The following COL8A1 variants were observed in gnomAD, a reference collection of about 807,000 sequenced individuals.
The protein encoded by COL8A1 is collagen alpha-1(VIII) chain.
Under a neutral mutation model 42.7 loss-of-function variants are expected in COL8A1, and 21 were observed. That is an observed-to-expected ratio of 0.49 (90% CI 0.35 to 0.71). The LOEUF (loss-of-function observed/expected upper bound fraction) is 0.71. Among genes scored for constraint, COL8A1 ranks in the 30% least tolerant of loss-of-function variants. COL8A1 has a pLI of 0.01. For missense variants in COL8A1, 788 were observed against 962.4 expected (o/e 0.82, Z 2.40); for synonymous variants, 367 against 369.1 (o/e 0.99, Z 0.06).
At chr3:99,754,611 G>T (rs930794924) in intron 2 of COL8A1, among the ~76,000 whole-genome samples, 5 of 151,992 alleles carry the variant, frequency 3.3e-5, no homozygotes, top group African/African-American at 1.2e-4. Context: ...TACTGTACTT[G>T]GCCTGTGCAC....
At chr3:99,778,959 G>A (rs2107445547) in intron 2 of COL8A1, among the ~76,000 whole-genome samples, 1 of 152,288 alleles carries the variant, frequency 6.6e-6, no homozygotes, top group East Asian at 1.9e-4. Flanking sequence ...ACACTTGAGT[G>A]AGCTGTTACA....
intron 1 of COL8A1, among the ~76,000 whole-genome samples, chr3:99,740,563 G>A (rs893243688): frequency 2.0e-5 from 3 of 152,252 alleles, no homozygotes; most frequent in Non-Finnish European, 4.4e-5. Context: ...CAGATCCTGT[G>A]AGAACTCACT....
intron 1 of COL8A1, among the ~76,000 whole-genome samples, chr3:99,690,775 A>G (rs1939195760): frequency 6.6e-6 from 1 of 152,234 alleles, no homozygotes; most frequent in African/African-American, 2.4e-5. Flanking sequence ...GAGGAGCATG[A>G]ATGGACAGCT....
At chr3:99,766,683 C>T (rs995595489) in intron 2 of COL8A1, among the ~76,000 whole-genome samples, 1 of 152,216 alleles carries the variant, frequency 6.6e-6, no homozygotes, top group Non-Finnish European at 1.5e-5. Context: ...GATGCAGTGG[C>T]TCACGCCTGT....
chr3:99,774,846 GAATT>G (rs5851183), intron 2 of COL8A1, among the ~76,000 whole-genome samples: 14,900 of 152,152 alleles, frequency 0.098, 846 homozygotes, highest in African/African-American at 0.16. Context: ...GGTGATCAAT[GAATT>G]AATTAATAGG....
At chr3:99,765,812 C>T (rs1248148373) in intron 2 of COL8A1, among the ~76,000 whole-genome samples, 2 of 152,176 alleles carry the variant, frequency 1.3e-5, no homozygotes, top group Admixed American at 6.5e-5. Flanking sequence ...CCATTCTCTT[C>T]TCTAACACAA....
At chr3:99,639,646 C>T (rs1406219066) in intron 1 of COL8A1, among the ~76,000 whole-genome samples, 1 of 152,176 alleles carries the variant, frequency 6.6e-6, no homozygotes, top group Non-Finnish European at 1.5e-5. Flanking sequence ...AATAAATGTG[C>T]ACCTGTGAAA....
rs564627765 is a variant in COL8A1 at position 99,651,462 on chromosome 3, C to T, written c.-129+12798C>T. Among the ~76,000 whole-genome samples, 12 of 152,182 alleles carry T rather than the reference C, an allele frequency of 7.9e-5. 1 individual carries two copies. The highest frequency in any genetic ancestry group is 1.8e-4 in the Non-Finnish European group (12 of 68,026). ...CTGCAGTGGACAACCTGAAACACTG[C>T]GAAGAAGGCTAAGCTCTCCGCCAGC... On this transcript the variant is annotated intron_variant, in intron 1 of 3. Coordinates refer to ENST00000652472, the MANE Select transcript of COL8A1 (RefSeq NM_020351.4).
intron 1 of COL8A1, among the ~76,000 whole-genome samples, chr3:99,743,378 G>A (rs6440807): frequency 0.22 from 33,156 of 152,106 alleles, 4,228 homozygotes; most frequent in African/African-American, 0.34. Context: ...AAAGTGCAGG[G>A]TGCTGCTGTA....
intron 2 of COL8A1, among the ~76,000 whole-genome samples, chr3:99,751,915 T>C (rs1941157777): frequency 6.6e-6 from 1 of 152,214 alleles, no homozygotes; most frequent in African/African-American, 2.4e-5. Flanking sequence ...AATTCTTCTA[T>C]TATCATGAAA....
At chr3:99,645,313 GCCAAAAAGTA>G (rs929255391) in intron 1 of COL8A1, among the ~76,000 whole-genome samples, 8 of 152,134 alleles carry the variant, frequency 5.3e-5, no homozygotes, top group African/African-American at 1.9e-4. Context: ...TAAGATTAAA[GCCAAAAAGTA>G]CATGAAGGAG....
chr3:99,644,357 T>A (rs1937603163), intron 1 of COL8A1, among the ~76,000 whole-genome samples: 2 of 152,196 alleles, frequency 1.3e-5, no homozygotes, highest in Admixed American at 6.5e-5. Context: ...GGATAATAAC[T>A]CCATGGATGT....
At chr3:99,775,657 T>C (rs1479995412) in intron 2 of COL8A1, among the ~76,000 whole-genome samples, 2 of 152,070 alleles carry the variant, frequency 1.3e-5, no homozygotes, top group African/African-American at 4.8e-5. Flanking sequence ...TTCTCTAGGG[T>C]TCCTGTTACC....
chr3:99,669,138 T>G lies in COL8A1; in HGVS notation c.-129+30474T>G, dbSNP rs867100633. 8.7e-4 allele frequency among the ~76,000 whole-genome samples: 91 copies of G among 104,566 alleles called. 1 individual carries two copies. The highest frequency in any genetic ancestry group is 1.4e-3 in the African/African-American group (44 of 30,548). The allele number at this position is 104,566 out of a possible 152,430, so 68.6% of individuals were successfully genotyped here. On this transcript the variant is annotated intron_variant, in intron 1 of 3. Transcript: ENST00000652472. ...CTTAAAAAAATTATATATATATATA[T>G]ATATATATAGAGGGAGAGAGAGAGA...
chr3:99,736,387 T>C (rs1940715727), intron 1 of COL8A1, among the ~76,000 whole-genome samples: 1 of 152,216 alleles, frequency 6.6e-6, no homozygotes, highest in African/African-American at 2.4e-5. Flanking sequence ...ACATCTTTTT[T>C]TTTTATTATT....
At chr3:99,701,198 A>T (rs1939527333) in intron 1 of COL8A1, among the ~76,000 whole-genome samples, 1 of 152,360 alleles carries the variant, frequency 6.6e-6, no homozygotes, top group South Asian at 2.1e-4. Context: ...TAAGAAAAAG[A>T]TCAGTCTTGA....
intron 2 of COL8A1, among the ~76,000 whole-genome samples, chr3:99,776,281 A>C (rs1941690823): frequency 6.6e-6 from 1 of 152,216 alleles, no homozygotes; most frequent in Non-Finnish European, 1.5e-5. Flanking sequence ...GAAAAGGGGA[A>C]AAAACAGAAA....
intron 2 of COL8A1, among the ~76,000 whole-genome samples, chr3:99,746,019 T>C (rs924410119): frequency 6.6e-6 from 1 of 152,150 alleles, no homozygotes; most frequent in Non-Finnish European, 1.5e-5. Flanking sequence ...ATTTCATAAT[T>C]AAAAGAATGA....
At chr3:99,681,981 G>A (rs1350200422) in intron 1 of COL8A1, among the ~76,000 whole-genome samples, 1 of 152,164 alleles carries the variant, frequency 6.6e-6, no homozygotes, top group Non-Finnish European at 1.5e-5. Flanking sequence ...TTCACCATGA[G>A]GCTCTGCTGC....
Sources: gnomAD v4.1 joint callset for allele counts (sites outside exome capture counted in the v4.1 genomes callset) on GRCh38, gnomAD v4.1.1 for gene constraint, MANE v1.5 for transcripts, NCBI Gene and HGNC (gene_info 2026-07-23, HGNC 2026-07-21) for gene names.